The following RP1 variants were observed in gnomAD, a reference collection of about 807,000 sequenced individuals.
The protein encoded by RP1 is RP1 axonemal microtubule associated, also known as oxygen-regulated protein 1.
RP1 carries 16 observed loss-of-function variants against 14.8 expected under a neutral mutation model. The ratio of observed to expected loss-of-function variants is 1.08; its 90% CI spans 0.73 to 1.65. The LOEUF is 1.65. RP1 is among the 40% of genes most tolerant of loss of function. RP1 has a pLI of 0.00. For missense variants in RP1, 2,631 were observed against 2,535.0 expected (o/e 1.04, Z -0.81); for synonymous variants, 876 against 883.6 (o/e 0.99, Z 0.15).
intron 22 of RP1, among the ~76,000 whole-genome samples, chr8:54,764,577 C>A (rs1356536885): frequency 1.3e-5 from 2 of 152,206 alleles, no homozygotes; most frequent in Non-Finnish European, 2.9e-5. Flanking sequence ...GTCTGTCCTA[C>A]TCCTCTAGTT....
chr8:54,577,776 A>G (rs1363545750), intron 1 of RP1, among the ~76,000 whole-genome samples: 2 of 152,194 alleles, frequency 1.3e-5, no homozygotes, highest in Non-Finnish European at 2.9e-5. Flanking sequence ...TGGAAAGCGT[A>G]CAGGAGGGGC....
Position 54,627,052 on chromosome 8 carries a change from A to C in RP1, c.3170A>C (p.Asn1057Thr), listed in dbSNP as rs766646346. The C allele has an allele frequency of 6.2e-7, 1 of 1,614,022 alleles. No homozygotes were observed. The highest frequency in any genetic ancestry group is 1.1e-5 in the South Asian group (1 of 91,086). The change falls in exon 4 of 4, where the codon AAC becomes ACC. Residue 1057 changes from asparagine to threonine, a missense_variant. By Grantham distance (65) the Asn-to-Thr change is moderately conservative. Transcript: ENST00000220676. ...AAAAAACTTGTTTACCAGGAAATAA[A>C]CCTAGCTAGAAAAAGGCAAAGTGTA... is the stretch of plus-strand genomic sequence containing the variant. ...PEKKLVYQEI[N>T]LARKRQSVEA... is the part of the protein sequence containing the mutation.
intron 17 of RP1, among the ~76,000 whole-genome samples, chr8:54,728,615 C>T (rs1216081595): frequency 6.6e-6 from 1 of 152,070 alleles, no homozygotes. Context: ...TTCTCATCTA[C>T]ATCAAAAGGG....
Position 54,730,776 on chromosome 8 carries a change from C to G in RP1, c.2522-3769C>G, listed in dbSNP as rs139816320. On this transcript the variant is annotated intron_variant, in intron 17 of 22. Coordinates refer to the RP1 transcript ENST00000636932. ...GTTAGTTATCTCTACCAGCTTTGTG[C>G]ATCCTGTGCTTTGTATCCCTTAATT... is the stretch of plus-strand genomic sequence containing the variant. Among the ~76,000 whole-genome samples the G allele has an allele frequency of 4.3e-3, 660 of 152,138 alleles. 3 individuals carry two copies. The highest frequency in any genetic ancestry group is 0.015 in the African/African-American group (628 of 41,536).
chr8:54,677,195 C>T (rs1202464609), intron 8 of RP1, among the ~76,000 whole-genome samples: 3 of 151,776 alleles, frequency 2.0e-5, no homozygotes, highest in African/African-American at 7.3e-5. Context: ...ACCCTCTGTC[C>T]TGGGCAAACT....
At chr8:54,721,460 A>G (rs1255373928) in intron 16 of RP1, among the ~76,000 whole-genome samples, 2 of 152,248 alleles carry the variant, frequency 1.3e-5, no homozygotes, top group East Asian at 3.8e-4. Flanking sequence ...CACAGGGAGA[A>G]AACAGAAATG....
At chr8:54,723,367 A>G (rs1314799800) in intron 16 of RP1, among the ~76,000 whole-genome samples, 6 of 152,138 alleles carry the variant, frequency 3.9e-5, no homozygotes, top group Non-Finnish European at 8.8e-5. Context: ...TCTTTTAATC[A>G]CTTTGCATAT....
chr8:54,590,444 C>T (rs924200210), intron 1 of RP1, among the ~76,000 whole-genome samples: 7 of 152,070 alleles, frequency 4.6e-5, no homozygotes, highest in Non-Finnish European at 8.8e-5. Flanking sequence ...ATTTATATAC[C>T]CAATCAGGGG....
chr8:54,831,225 G>A (rs977182741), intron 24 of RP1, among the ~76,000 whole-genome samples: 1 of 151,954 alleles, frequency 6.6e-6, no homozygotes, highest in Non-Finnish European at 1.5e-5. Context: ...ATACCCAGCA[G>A]TGGAATGTTG....
chr8:54,626,464 A>G lies in RP1; in HGVS notation c.2582A>G (p.Asp861Gly), dbSNP rs532421302. 8 of 1,613,826 alleles carry G rather than the reference A, an allele frequency of 5.0e-6. No homozygotes were observed. In the African/African-American group the frequency reaches 8.0e-5, roughly 16 times the overall value. The part of the protein sequence containing the change: ...AKKSLVSKVT[D>G]SHITLKSQKK... ...AAGAGTTTAGTTTCAAAAGTTACTG[A>G]TTCACACATAACTTTAAAAAGCCAG... Residue 861 changes from aspartate to glycine, a missense_variant, in exon 4 of 4, where the codon GAT becomes GGT. Physicochemically the swap from Asp to Gly is moderately conservative, Grantham distance 94. Coordinates refer to ENST00000220676, the MANE Select transcript of RP1 (RefSeq NM_006269.2).
intron 1 of RP1, among the ~76,000 whole-genome samples, chr8:54,598,523 G>C (rs1205269166): frequency 1.3e-5 from 2 of 152,168 alleles, no homozygotes; most frequent in African/African-American, 4.8e-5. Context: ...CAGATGGAAA[G>C]TTTATTGTAT....
chr8:54,829,757 A>G (rs1354288437), intron 24 of RP1, among the ~76,000 whole-genome samples: 4 of 152,184 alleles, frequency 2.6e-5, no homozygotes, highest in African/African-American at 7.2e-5. Context: ...AAATAAGCAG[A>G]GAGACTTTAA....
At chr8:54,579,541 A>G (rs1013449363) in intron 1 of RP1, among the ~76,000 whole-genome samples, 2 of 152,128 alleles carry the variant, frequency 1.3e-5, no homozygotes, top group African/African-American at 2.4e-5. Context: ...GAGTCCTAAC[A>G]TTCTCTTACA....
In RP1 at chr8:54,602,733, C is replaced by T. The variant is rs560971446; in HGVS notation, c.-12-18222C>T. On this transcript the variant is annotated intron_variant, in intron 1 of 22. Transcript: ENST00000636932. ...GACTTTTTAATGATTGCCATTCTAA[C>T]TGGTGTGAGATGGTATCTCATTGTG... is the stretch of plus-strand genomic sequence containing the variant. 1.1e-4 allele frequency among the ~76,000 whole-genome samples: 16 copies of T among 152,316 alleles called. No individual in the cohort carries two copies. In the South Asian group the frequency reaches 3.3e-3, roughly 32 times the overall value.
chr8:54,827,656 A>T (rs1811414942), intron 24 of RP1, among the ~76,000 whole-genome samples: 1 of 152,098 alleles, frequency 6.6e-6, no homozygotes, highest in Non-Finnish European at 1.5e-5. Flanking sequence ...AAAGTAATTA[A>T]GAGAGGCCGA....
At chr8:54,808,213 C>T (rs1308064895) in intron 24 of RP1, among the ~76,000 whole-genome samples, 3 of 152,200 alleles carry the variant, frequency 2.0e-5, no homozygotes, top group Non-Finnish European at 4.4e-5. Context: ...TAGTTACTTT[C>T]TGATCCTTCA....
In RP1 at chr8:54,629,850, G is replaced by T; in HGVS notation, c.5968G>T (p.Asp1990Tyr). Reference sequence around the variant, plus strand: ...TGATAATGCCATTGGTGATATATTTGATCAGTTTTATTTCAGTAACACATT... The same window carrying T: ...TGATAATGCCATTGGTGATATATTTTATCAGTTTTATTTCAGTAACACATT... ...LIDNAIGDIF[D>Y]QFYFSNTFDL... Residue 1990 changes from aspartate to tyrosine, a missense_variant, in exon 4 of 4, where the codon GAT becomes TAT. Asp to Tyr is a radical substitution (Grantham distance 160). Coordinates refer to ENST00000220676, the MANE Select transcript of RP1 (RefSeq NM_006269.2). 3 of 1,613,586 alleles carry T rather than the reference G, an allele frequency of 1.9e-6. No individual in the cohort carries two copies. Among genetic ancestry groups the T allele is most frequent in the East Asian group, 2.2e-5 (1 of 44,844 alleles).
chr8:54,755,806 A>T (rs1323142510), intron 21 of RP1: 2 of 1,412,236 alleles, frequency 1.4e-6, no homozygotes, highest in Non-Finnish European at 1.8e-6. Flanking sequence ...GATTCTTAAC[A>T]ATCTCTCTGA....
intron 6 of RP1, among the ~76,000 whole-genome samples, chr8:54,659,380 A>C (rs369623): frequency 0.7 from 106,188 of 152,046 alleles, 37,493 homozygotes; most frequent in Middle Eastern, 0.84. Flanking sequence ...GGTCTTTAAT[A>C]CATTTTTAGT....
Sources: allele counts gnomAD v4.1 joint callset (sites outside exome capture counted in the v4.1 genomes callset), GRCh38; gene constraint gnomAD v4.1.1; transcripts MANE v1.5; gene names NCBI Gene and HGNC (gene_info 2026-07-23, HGNC 2026-07-21).